The following GALM variants were observed in gnomAD, a reference collection of about 807,000 sequenced individuals.
GALM encodes galactose mutarotase.
In GALM, 43 loss-of-function variants were observed where a neutral mutation model predicts 37.4. The ratio of observed to expected loss-of-function variants is 1.15; its 90% CI spans 0.90 to 1.48. The LOEUF (loss-of-function observed/expected upper bound fraction) is 1.48, where lower values mean the gene tolerates loss of function less well. Ranked by LOEUF, GALM falls within the 40% of genes most tolerant of loss-of-function variation. GALM has a pLI of 0.00. For missense variants in GALM, 456 were observed against 419.1 expected (o/e 1.09, Z -0.77); for synonymous variants, 199 against 170.6 (o/e 1.17, Z -1.30).
chr2:38,698,352 C>G, intron 4 of GALM: 1 of 1,302,340 alleles, frequency 7.7e-7, no homozygotes, highest in Non-Finnish European at 1.0e-6. Context: ...TGCTTCTTTC[C>G]TGTCCCATGG....
intron 3 of GALM, among the ~76,000 whole-genome samples, chr2:38,687,304 C>G (rs1316128183): frequency 6.6e-6 from 1 of 152,190 alleles, no homozygotes; most frequent in Admixed American, 6.5e-5. Context: ...TGCCCCAGCT[C>G]ACAGCAGAGT....
chr2:38,669,529 C>G (rs1022383922), intron 1 of GALM: 6 of 152,198 alleles, frequency 3.9e-5, no homozygotes, highest in Admixed American at 3.9e-4. Context: ...GCTCGTCCTG[C>G]TACAACAGCC....
chr2:38,703,718 A>G (rs997135598), intron 4 of GALM, among the ~76,000 whole-genome samples: 2 of 152,128 alleles, frequency 1.3e-5, no homozygotes, highest in African/African-American at 2.4e-5. Flanking sequence ...TTTAAATTCT[A>G]TATAAAATCC....
chr2:38,730,033 C>T (rs1045023141), intron 5 of GALM, among the ~76,000 whole-genome samples: 1 of 152,156 alleles, frequency 6.6e-6, no homozygotes, highest in African/African-American at 2.4e-5. Context: ...TGTGCTTTCT[C>T]GATCTGTGAC....
At chr2:38,688,484 C>T (rs944240058) in intron 3 of GALM, among the ~76,000 whole-genome samples, 1 of 151,746 alleles carries the variant, frequency 6.6e-6, no homozygotes, top group Non-Finnish European at 1.5e-5. Context: ...GCATTCCGGC[C>T]TTGGCAACAA....
chr2:38,720,620 C>T (rs187994492), intron 4 of GALM, among the ~76,000 whole-genome samples: 10 of 152,170 alleles, frequency 6.6e-5, no homozygotes, highest in African/African-American at 1.4e-4. Context: ...TTTCTATTGG[C>T]GGGGAATTTA....
intron 3 of GALM, among the ~76,000 whole-genome samples, chr2:38,687,480 C>T (rs1318029895): frequency 2.6e-5 from 4 of 151,826 alleles, no homozygotes; most frequent in Admixed American, 6.6e-5. Context: ...GAGGCCAAGG[C>T]AGGCAGATTA....
At chr2:38,682,628 G>A (rs1276707306) in intron 3 of GALM, among the ~76,000 whole-genome samples, 1 of 152,148 alleles carries the variant, frequency 6.6e-6, no homozygotes, top group Non-Finnish European at 1.5e-5. Context: ...CAGGTGCTGT[G>A]GCTCATGCCT....
At chr2:38,696,849 G>A (rs1282297381) in intron 4 of GALM, among the ~76,000 whole-genome samples, 1 of 144,706 alleles carries the variant, frequency 6.9e-6, no homozygotes, top group African/African-American at 2.6e-5. Context: ...GAGTGCAGTG[G>A]CGCGATCTCA....
intron 4 of GALM, among the ~76,000 whole-genome samples, chr2:38,695,581 A>G (rs1355891510): frequency 6.6e-6 from 1 of 152,232 alleles, no homozygotes; most frequent in Non-Finnish European, 1.5e-5. Context: ...GCCTTTTTGC[A>G]TATGAATGAC....
rs187118258 is a variant in GALM, at chr2:38,683,856, C to T, written c.552+2370C>T. On this transcript the variant is annotated intron_variant, in intron 3 of 6. Transcript: ENST00000272252. ...TGCTAGGATTACAGGCGTGAGCCAC[C>T]GCACCTGGCCCCAGATTTTAGATTT... 3.3e-5 allele frequency among the ~76,000 whole-genome samples: 5 copies of T among 152,264 alleles called. No homozygotes were observed. In the East Asian group the frequency reaches 5.8e-4, roughly 18 times the overall value.
chr2:38,668,346 C>G (rs1665007152), intron 1 of GALM: 1 of 152,448 alleles, frequency 6.6e-6, no homozygotes, highest in Non-Finnish European at 1.5e-5. Flanking sequence ...GCCACTGTGC[C>G]CAGCTGTTTT....
intron 2 of GALM, 105 bp from the exon 3 acceptor site, chr2:38,681,175 T>C (rs1007530340): frequency 1.1e-6 from 1 of 929,810 alleles, no homozygotes; most frequent in South Asian, 1.4e-5. Context: ...CTTAATTGAT[T>C]GTATAACCAT....
chr2:38,691,124 G>A (rs1471187240), intron 4 of GALM, among the ~76,000 whole-genome samples: 1 of 152,142 alleles, frequency 6.6e-6, no homozygotes, highest in East Asian at 1.9e-4. Flanking sequence ...AAAAAATAGT[G>A]GTGGCTGCTG....
chr2:38,682,043 A>G (rs896896866), intron 3 of GALM, among the ~76,000 whole-genome samples: 7 of 152,218 alleles, frequency 4.6e-5, no homozygotes, highest in African/African-American at 7.2e-5. Context: ...TCAATTTCAT[A>G]GTAATAACAC....
intron 4 of GALM, chr2:38,698,572 G>C (rs933234729): frequency 6.6e-5 from 24 of 362,738 alleles, no homozygotes; most frequent in African/African-American, 4.6e-4. Flanking sequence ...CATAGGATGG[G>C]AGCACACTCT....
At chr2:38,698,381 G>A (rs1345477378) in intron 4 of GALM, 3 of 1,304,636 alleles carry the variant, frequency 2.3e-6, no homozygotes, top group Non-Finnish European at 3.0e-6. Context: ...ACCAACAGAA[G>A]GTTTCTGCAA....
intron 4 of GALM, among the ~76,000 whole-genome samples, chr2:38,726,185 G>C (rs929644111): frequency 6.6e-6 from 1 of 151,524 alleles, no homozygotes; most frequent in Non-Finnish European, 1.5e-5. Flanking sequence ...TGTGTCTCTA[G>C]CACCATCTAC....
At chr2:38,676,282 G>C (rs1206446431) in intron 2 of GALM, among the ~76,000 whole-genome samples, 1 of 152,140 alleles carries the variant, frequency 6.6e-6, no homozygotes, top group African/African-American at 2.4e-5. Context: ...CCAAGAGAAA[G>C]GATGTCAACC....
Sources: gnomAD v4.1 joint callset for allele counts (sites outside exome capture counted in the v4.1 genomes callset) on GRCh38, gnomAD v4.1.1 for gene constraint, MANE v1.5 for transcripts, NCBI Gene and HGNC (gene_info 2026-07-23, HGNC 2026-07-21) for gene names.